EHMT1: variants seen among roughly 807,000 people sequenced by gnomAD.
The protein encoded by EHMT1 is histone-lysine N-methyltransferase EHMT1.
Under a neutral mutation model 147.2 loss-of-function variants are expected in EHMT1, and 15 were observed. The observed-to-expected ratio is 0.10, with a 90% CI of 0.07 to 0.16. EHMT1 has a LOEUF of 0.16. EHMT1 is among the 10% of genes least tolerant of loss of function. The pLI, the probability that EHMT1 is intolerant of heterozygous loss-of-function variation, is 1.00. For missense variants in EHMT1, 1,587 were observed against 1,772.4 expected (o/e 0.90, Z 1.88); for synonymous variants, 795 against 709.6 (o/e 1.12, Z -1.91).
intron 6 of EHMT1, among the ~76,000 whole-genome samples, chr9:137,751,927 C>G (rs1461699432): frequency 4.6e-5 from 7 of 152,154 alleles, no homozygotes; most frequent in African/African-American, 1.7e-4. Flanking sequence ...CTCTGAAAAT[C>G]TTTTTATGAT....
At chr9:137,645,615 A>G (rs1160962880) in intron 1 of EHMT1, among the ~76,000 whole-genome samples, 1 of 152,202 alleles carries the variant, frequency 6.6e-6, no homozygotes, top group African/African-American at 2.4e-5. Context: ...GGTTAAAGGA[A>G]GGCTGTCTGT....
At chr9:137,766,251 A>G (rs1481174346) in intron 10 of EHMT1, among the ~76,000 whole-genome samples, 4 of 152,262 alleles carry the variant, frequency 2.6e-5, no homozygotes, top group Non-Finnish European at 5.9e-5. Context: ...TTGTTTATTC[A>G]TTGGAGGTTT....
At chr9:137,663,083 G>A (rs886721987) in intron 1 of EHMT1, among the ~76,000 whole-genome samples, 1 of 152,280 alleles carries the variant, frequency 6.6e-6, no homozygotes, top group East Asian at 1.9e-4. Flanking sequence ...GTGAGCCACC[G>A]CGCCCAGTCC....
intron 15 of EHMT1, chr9:137,788,281 G>A: frequency 2.4e-6 from 1 of 425,190 alleles, no homozygotes; most frequent in Non-Finnish European, 4.2e-6. Flanking sequence ...CTGGGCGGTG[G>A]CAGATGACCG....
intron 1 of EHMT1, among the ~76,000 whole-genome samples, chr9:137,686,087 C>G (rs923612570): frequency 2.0e-5 from 3 of 151,868 alleles, no homozygotes; most frequent in African/African-American, 7.2e-5. Context: ...TGGAAGAGTT[C>G]TTTATATTTT....
In EHMT1 at chr9:137,743,287, A is replaced by G. The variant is rs1948262320; in HGVS notation, c.824-84A>G. 3 of 1,505,362 alleles carry G rather than the reference A, an allele frequency of 2.0e-6. No homozygotes were observed. In the Admixed American group the frequency reaches 6.5e-5, roughly 33 times the overall value. 93.3% of individuals were successfully genotyped at this position (1,505,362 alleles called of 1,614,324 possible). ...GGTGATTTTGGTGATCAAGTTTTGT[A>G]AACTGTCTCTTACCTTTGAAAAACA... On this transcript the variant is annotated intron_variant, in intron 4 of 26. Coordinates refer to ENST00000460843, the MANE Select transcript of EHMT1 (RefSeq NM_024757.5).
chr9:137,795,518 C>T (rs1195515152), intron 16 of EHMT1, among the ~76,000 whole-genome samples: 1 of 152,030 alleles, frequency 6.6e-6, no homozygotes, highest in Non-Finnish European at 1.5e-5. Context: ...ACCTAACATG[C>T]GAGTCTTTGG....
intron 3 of EHMT1, among the ~76,000 whole-genome samples, chr9:137,721,249 C>A (rs1444914948): frequency 1.9e-4 from 27 of 144,708 alleles, no homozygotes; most frequent in African/African-American, 6.2e-4. Flanking sequence ...CTCACACTCG[C>A]CCCCTCCCAG....
intron 1 of EHMT1, among the ~76,000 whole-genome samples, chr9:137,640,741 C>T (rs964031269): frequency 2.0e-5 from 3 of 152,178 alleles, no homozygotes; most frequent in African/African-American, 7.2e-5. Flanking sequence ...TTCCATAGAA[C>T]ATGGTGATGT....
chr9:137,728,696 C>A, intron 4 of EHMT1, 167 bp downstream of exon 4: 1 of 799,592 alleles, frequency 1.3e-6, no homozygotes, highest in South Asian at 1.5e-5. Flanking sequence ...AGGAGGCACA[C>A]CTGACCTCTG....
intron 6 of EHMT1, among the ~76,000 whole-genome samples, chr9:137,748,732 C>T (rs1419172449): frequency 6.6e-6 from 1 of 152,190 alleles, no homozygotes; most frequent in Non-Finnish European, 1.5e-5. Flanking sequence ...ACTTACTTTG[C>T]CATTTGGATG....
At position 137,774,278 on chromosome 9, in the gene EHMT1, G is replaced by T. The variant is rs547024641; in HGVS notation, c.1648-831G>T. On this transcript the variant is annotated intron_variant, in intron 10 of 26. Transcript: ENST00000460843. ...CCAGAGTTGAGCAGCCGGCCCTCTG[G>T]TAGGCGCATGTGAGTGGATGTGGGC... Among the ~76,000 whole-genome samples the T allele has an allele frequency of 6.6e-5, 10 of 152,384 alleles. 1 individual carries two copies. In the South Asian group the frequency reaches 1.7e-3, roughly 25 times the overall value.
At chr9:137,713,060 C>A (rs886452903) in intron 2 of EHMT1, among the ~76,000 whole-genome samples, 3 of 152,072 alleles carry the variant, frequency 2.0e-5, no homozygotes, top group African/African-American at 7.2e-5. Context: ...ATTGTTCTTG[C>A]ACCCTCGTTG....
In EHMT1 at chr9:137,716,609, C is replaced by G. The variant is rs748450287; in HGVS notation, c.86-17C>G. The G allele has an allele frequency of 1.3e-6, 2 of 1,542,738 alleles. No individual in the cohort carries two copies. Among genetic ancestry groups the G allele is most frequent in the South Asian group, 2.5e-5 (2 of 79,290 alleles). Reference sequence around the variant, plus strand: ...AGCGTGGCCTGCAGTCAGTGACACTCGTTTCTTTGTTGGCAGAGACACCTA... The same window carrying G: ...AGCGTGGCCTGCAGTCAGTGACACTGGTTTCTTTGTTGGCAGAGACACCTA... On this transcript the variant is annotated splice_polypyrimidine_tract_variant and intron_variant, in intron 2 of 26. Transcript: ENST00000460843.
chr9:137,621,908 T>C (rs1446923604), intron 1 of EHMT1, among the ~76,000 whole-genome samples: 1 of 151,282 alleles, frequency 6.6e-6, no homozygotes, highest in Admixed American at 6.6e-5. Flanking sequence ...GCTAAAACCC[T>C]TAAAAAAAAA....
chr9:137,713,462 G>A (rs1371818009), intron 2 of EHMT1, among the ~76,000 whole-genome samples: 2 of 150,994 alleles, frequency 1.3e-5, no homozygotes, highest in African/African-American at 4.9e-5. Flanking sequence ...TAGTAGAGAC[G>A]GGGTTTCACC....
intron 4 of EHMT1, among the ~76,000 whole-genome samples, chr9:137,740,752 T>G (rs1947983594): frequency 6.6e-6 from 1 of 152,220 alleles, no homozygotes; most frequent in Non-Finnish European, 1.5e-5. Flanking sequence ...TAGACACCAT[T>G]CTTCACTTGT....
At chr9:137,745,807 C>A (rs1564680359) in intron 6 of EHMT1, 2 of 339,484 alleles carry the variant, frequency 5.9e-6, no homozygotes, top group East Asian at 9.0e-5. Context: ...TTGATGTCAC[C>A]AGGCCACCTC....
At chr9:137,831,343 T>G (rs1419843383) in intron 25 of EHMT1, among the ~76,000 whole-genome samples, 1 of 152,192 alleles carries the variant, frequency 6.6e-6, no homozygotes, top group African/African-American at 2.4e-5. Context: ...CCCGACAGGA[T>G]TTGGGGAGAG....
Sources: gnomAD v4.1 joint callset for allele counts (sites outside exome capture counted in the v4.1 genomes callset) on GRCh38, gnomAD v4.1.1 for gene constraint, MANE v1.5 for transcripts, NCBI Gene and HGNC (gene_info 2026-07-23, HGNC 2026-07-21) for gene names.